The following RSU1 variants were observed in gnomAD, a reference collection of about 807,000 sequenced individuals.
RSU1 encodes Ras suppressor protein 1.
Under a neutral mutation model 31.1 loss-of-function variants are expected in RSU1, and 26 were observed. The observed-to-expected ratio is 0.84, with a 90% CI of 0.61 to 1.16. The LOEUF (loss-of-function observed/expected upper bound fraction) is 1.16. RSU1 is among the 50% of genes most tolerant of loss of function. The probability of loss-of-function intolerance (pLI) is 0.00; values close to 1 mark genes in which losing one functional copy is unlikely to be tolerated. For synonymous variants in RSU1, 164 were observed against 136.3 expected (o/e 1.20, Z -1.41); for missense variants, 320 against 339.1 (o/e 0.94, Z 0.44).
intron 4 of RSU1, among the ~76,000 whole-genome samples, chr10:16,762,450 T>A (rs1408668591): frequency 6.6e-6 from 1 of 151,606 alleles, no homozygotes; most frequent in Non-Finnish European, 1.5e-5. Context: ...AACCAAGATA[T>A]AAATGGAGCA....
chr10:16,747,486 C>G (rs1836878097), intron 7 of RSU1, among the ~76,000 whole-genome samples: 1 of 148,886 alleles, frequency 6.7e-6, no homozygotes, highest in South Asian at 2.1e-4. Context: ...TTGCTTAGAC[C>G]AAAAACCTCA....
intron 7 of RSU1, among the ~76,000 whole-genome samples, chr10:16,734,544 G>A (rs1211269548): frequency 3.9e-5 from 6 of 152,186 alleles, no homozygotes; most frequent in African/African-American, 1.4e-4. Context: ...AATGTCATAT[G>A]TGAAAATATA....
intron 7 of RSU1, among the ~76,000 whole-genome samples, chr10:16,704,217 C>A (rs1215891446): frequency 2.6e-5 from 4 of 152,242 alleles, no homozygotes; most frequent in African/African-American, 4.8e-5. Context: ...AACCTACCAA[C>A]TGGAGAATCA....
chr10:16,778,057 G>A (rs1307933561), intron 3 of RSU1, among the ~76,000 whole-genome samples: 1 of 125,162 alleles, frequency 8.0e-6, no homozygotes, highest in Non-Finnish European at 1.6e-5. Context: ...GTCTTGCCCT[G>A]TCACCCAGGC....
At chr10:16,808,833 T>C (rs796257412) in intron 2 of RSU1, among the ~76,000 whole-genome samples, 59 of 152,310 alleles carry the variant, frequency 3.9e-4, no homozygotes, top group African/African-American at 1.3e-3. Flanking sequence ...AGGTGGACCC[T>C]ATCCCAATCT....
intron 2 of RSU1, among the ~76,000 whole-genome samples, chr10:16,811,389 G>A (rs186062612): frequency 5.2e-4 from 79 of 152,282 alleles, no homozygotes; most frequent in Non-Finnish European, 8.5e-4. Flanking sequence ...ATCAGGTACC[G>A]GGTGGTACAC....
chr10:16,606,638 T>C (rs1032218512), intron 8 of RSU1, among the ~76,000 whole-genome samples: 3 of 152,162 alleles, frequency 2.0e-5, no homozygotes, highest in African/African-American at 7.2e-5. Context: ...CTCTGCCACG[T>C]TGTATATACT....
At chr10:16,750,960 G>A (rs1836967152) in intron 7 of RSU1, among the ~76,000 whole-genome samples, 1 of 151,206 alleles carries the variant, frequency 6.6e-6, no homozygotes, top group Admixed American at 6.6e-5. Context: ...TGACCTCCCA[G>A]GCTCAGGTGA....
chr10:16,779,699 A>C (rs918846952), intron 3 of RSU1, among the ~76,000 whole-genome samples: 2 of 152,222 alleles, frequency 1.3e-5, no homozygotes, highest in Admixed American at 6.5e-5. Context: ...ATTAAAAACA[A>C]CAGAAAGTGA....
At chr10:16,614,407 G>A (rs1224228222) in intron 8 of RSU1, among the ~76,000 whole-genome samples, 8 of 150,632 alleles carry the variant, frequency 5.3e-5, no homozygotes, top group African/African-American at 2.0e-4. Context: ...ATGGTTAATG[G>A]TTAAAAAAAA....
intron 7 of RSU1, among the ~76,000 whole-genome samples, chr10:16,724,532 A>G (rs547388877): frequency 6.6e-6 from 1 of 152,372 alleles, no homozygotes; most frequent in South Asian, 2.1e-4. Context: ...AAGGGCTAAG[A>G]TCTGAGTGAG....
At position 16,722,871 on chromosome 10, in the gene RSU1, T is replaced by A. The variant is rs1474713719; in HGVS notation, c.599-27716A>T. ...ATACACACATATATACATATATGTA[T>A]ATATACACACATATACATATATGTA... is the stretch of plus-strand genomic sequence containing the variant. On this transcript the variant is annotated intron_variant, in intron 7 of 8. Transcript: ENST00000345264. 1.6e-3 allele frequency among the ~76,000 whole-genome samples: 232 copies of A among 143,060 alleles called. 3 individuals carry two copies. The highest frequency in any genetic ancestry group is 0.011 in the Middle Eastern group (3 of 264). 93.9% of individuals were successfully genotyped at this position (143,060 alleles called of 152,430 possible).
chr10:16,600,572 G>GT lies in RSU1; in HGVS notation c.732-7077_732-7076insA, dbSNP rs1383458525. 9.9e-4 allele frequency among the ~76,000 whole-genome samples: 149 copies of GT among 150,920 alleles called. 2 individuals are homozygous for GT. The East Asian group carries it at 0.023, about 23-fold the overall frequency. Reference sequence around the variant, plus strand: ...GACACGTGTTTTTTTTTTTTTAGGGGGGGGTGGTTTTTGAGACAGGGTCTT... The same window carrying GT: ...GACACGTGTTTTTTTTTTTTTAGGGGTGGGGTGGTTTTTGAGACAGGGTCTT... On this transcript the variant is annotated intron_variant, in intron 8 of 8. Transcript: ENST00000345264.
At chr10:16,662,478 C>T (rs1379057482) in intron 8 of RSU1, among the ~76,000 whole-genome samples, 1 of 152,154 alleles carries the variant, frequency 6.6e-6, no homozygotes, top group African/African-American at 2.4e-5. Flanking sequence ...TTCTCTTTTT[C>T]ACTTTCCTAA....
At position 16,764,236 on chromosome 10, in the gene RSU1, TAAAACAATAA is replaced by T. The variant is rs943688162; in HGVS notation, c.281+144_281+153del. ...AATGTAGGCCACTGAAAGAATATAT[TAAAACAATAA>T]AATTTTTTTAAGACCCAAAACATAA... On this transcript the variant is annotated intron_variant, in intron 4 of 8. Transcript: ENST00000345264. 7.1e-4 allele frequency among the ~76,000 whole-genome samples: 108 copies of T among 152,130 alleles called. 3 individuals are homozygous for T. The highest frequency in any genetic ancestry group is 3.5e-4 in the Non-Finnish European group (24 of 67,994).
intron 8 of RSU1, among the ~76,000 whole-genome samples, chr10:16,686,026 T>G (rs1415259071): frequency 6.6e-6 from 1 of 152,202 alleles, no homozygotes; most frequent in East Asian, 1.9e-4. Context: ...TTAAGTTTTT[T>G]ATCTGATAAA....
chr10:16,761,822 C>A (rs1357572759), intron 4 of RSU1, among the ~76,000 whole-genome samples: 1 of 152,148 alleles, frequency 6.6e-6, no homozygotes, highest in Non-Finnish European at 1.5e-5. Flanking sequence ...TGCCACCATA[C>A]TCCAGCCTCG....
At chr10:16,604,071 T>C (rs1048207765) in intron 8 of RSU1, among the ~76,000 whole-genome samples, 2 of 152,140 alleles carry the variant, frequency 1.3e-5, no homozygotes, top group African/African-American at 4.8e-5. Flanking sequence ...CTTTGGCCCA[T>C]ATATTAACAT....
Position 16,817,372 on chromosome 10 carries a change from C to T in RSU1, c.-61G>A. The stretch of plus-strand genomic sequence containing the variant: ...CAACCACAAGCTTCGGCAGAACGCA[C>T]TCCAGCTGCCCTCACTCCCTGCAAC... On this transcript the variant is annotated 5_prime_UTR_variant, in exon 1 of 9. In the 5' UTR this introduces an upstream ATG that the reference lacks. Transcript: ENST00000345264. 2.6e-6 allele frequency: 1 copy of T among 389,310 alleles called. No individual in the cohort carries two copies. 24.1% of individuals were successfully genotyped at this position (389,310 alleles called of 1,614,324 possible). A position where few individuals can be genotyped will look rare whatever the true frequency, so the allele number is the denominator to read the frequency against.
Sources: allele counts gnomAD v4.1 joint callset (sites outside exome capture counted in the v4.1 genomes callset), GRCh38; gene constraint gnomAD v4.1.1; transcripts MANE v1.5; gene names NCBI Gene and HGNC (gene_info 2026-07-23, HGNC 2026-07-21).